GRIA3: variants seen among roughly 807,000 people sequenced by gnomAD.
GRIA3 encodes the protein glutamate ionotropic receptor AMPA type subunit 3, also known as glutamate receptor 3.
In GRIA3, 3 loss-of-function variants were observed where a neutral mutation model predicts 63.0. The ratio of observed to expected loss-of-function variants is 0.05; its 90% CI spans 0.02 to 0.12. The LOEUF (loss-of-function observed/expected upper bound fraction) is 0.12. Among genes scored for constraint, GRIA3 ranks in the 10% least tolerant of loss-of-function variants. The pLI, the probability that GRIA3 is intolerant of heterozygous loss-of-function variation, is 1.00. For synonymous variants in GRIA3, 274 were observed against 257.9 expected (o/e 1.06, Z -0.60); for missense variants, 347 against 700.9 (o/e 0.50, Z 5.70).
intron 4 of GRIA3, among the ~76,000 whole-genome samples, chrX:123,329,848 T>C (rs1213079145): frequency 8.9e-6 from 1 of 111,918 alleles, no homozygotes; most frequent in East Asian, 2.8e-4. Context: ...CAATGACCAA[T>C]CTAAACATTA....
intron 5 of GRIA3, among the ~76,000 whole-genome samples, chrX:123,394,288 G>C (rs2045401529): frequency 9.0e-6 from 1 of 111,036 alleles, no homozygotes; most frequent in African/African-American, 3.3e-5. Flanking sequence ...CTTGAACCCG[G>C]GGGGTGGTGT....
At chrX:123,266,043 C>T (rs1363788241) in intron 3 of GRIA3, among the ~76,000 whole-genome samples, 1 of 112,132 alleles carries the variant, frequency 8.9e-6, no homozygotes, top group East Asian at 2.8e-4. Context: ...CATCACTCTT[C>T]GAGGTCTTAA....
At chrX:123,360,855 TCACACACACACACACACA>T (rs10548566) in intron 5 of GRIA3, among the ~76,000 whole-genome samples, 16 of 46,516 alleles carry the variant, frequency 3.4e-4, no homozygotes, top group African/African-American at 8.1e-4. Context: ...TCTCTCTCTC[TCACACACACACACACACA>T]CACACACACA....
chrX:123,459,759 A>G (rs1001698696), intron 12 of GRIA3, among the ~76,000 whole-genome samples: 6 of 110,599 alleles, frequency 5.4e-5, no homozygotes, highest in African/African-American at 1.6e-4. Flanking sequence ...CCCAGATGAC[A>G]GAGCTAAGAT....
chrX:123,336,767 T>C (rs1397568268), intron 4 of GRIA3, among the ~76,000 whole-genome samples: 1 of 111,790 alleles, frequency 8.9e-6, no homozygotes, highest in Non-Finnish European at 1.9e-5. Context: ...TATTTCAAGA[T>C]CATTGTGTGA....
intron 2 of GRIA3, among the ~76,000 whole-genome samples, chrX:123,248,741 G>C (rs960540489): frequency 9.0e-6 from 1 of 111,475 alleles, no homozygotes; most frequent in South Asian, 3.8e-4. Flanking sequence ...AGCCGAGATC[G>C]GGCCATTGCA....
intron 3 of GRIA3, among the ~76,000 whole-genome samples, chrX:123,276,584 A>G (rs1158820840): frequency 8.9e-6 from 1 of 112,054 alleles, no homozygotes; most frequent in Non-Finnish European, 1.9e-5. Context: ...AGGCGGTGTT[A>G]CTGTTTTTAT....
At chrX:123,251,305 G>A (rs1569407576) in intron 2 of GRIA3, among the ~76,000 whole-genome samples, 1 of 112,103 alleles carries the variant, frequency 8.9e-6, no homozygotes, top group East Asian at 2.8e-4. Context: ...ATTTGAGAAT[G>A]GGACTTTTCT....
rs183714349 is a variant in GRIA3 at position 123,326,621 on chromosome X, A to G, written c.696+408A>G. 1.2e-3 allele frequency among the ~76,000 whole-genome samples: 132 copies of G among 111,422 alleles called. 1 individual carries two copies. The highest frequency in any genetic ancestry group is 4.7e-3 in the Middle Eastern group (1 of 215). ...AAAGGGTTTTTGTTTCAGGAGCCTC[A>G]TTGCTGGAATATGTACTATTTCCAG... is the stretch of plus-strand genomic sequence containing the variant. On this transcript the variant is annotated intron_variant, in intron 4 of 15. Transcript: ENST00000620443.
At chrX:123,286,201 A>G (rs914291625) in intron 3 of GRIA3, among the ~76,000 whole-genome samples, 3 of 112,078 alleles carry the variant, frequency 2.7e-5, no homozygotes, top group Non-Finnish European at 3.8e-5. Context: ...GCAGAAATAA[A>G]TAAGTTCTTT....
At chrX:123,346,562 G>T (rs748074086) in intron 4 of GRIA3, among the ~76,000 whole-genome samples, 1 of 112,452 alleles carries the variant, frequency 8.9e-6, no homozygotes, top group African/African-American at 3.2e-5. Context: ...TGTTTGTCAG[G>T]TTCCCACTTA....
At chrX:123,361,102 T>A (rs1280261166) in intron 5 of GRIA3, 1 of 110,651 alleles carries the variant, frequency 9.0e-6, no homozygotes, top group African/African-American at 3.3e-5. Context: ...GGAAGTGAAC[T>A]CTGCAGCTCA....
chrX:123,374,451 T>A (rs1270892877), intron 5 of GRIA3, among the ~76,000 whole-genome samples: 1 of 111,932 alleles, frequency 8.9e-6, no homozygotes, highest in Non-Finnish European at 1.9e-5. Flanking sequence ...TTGGGCAATA[T>A]GGCCATTTTC....
chrX:123,351,875 C>CA (rs1412876213), intron 4 of GRIA3, among the ~76,000 whole-genome samples: 4 of 111,780 alleles, frequency 3.6e-5, no homozygotes. Context: ...CTTCCTATCC[C>CA]AGTTTAAAGC....
chrX:123,462,389 G>A lies in GRIA3; in HGVS notation c.2077-2476G>A, dbSNP rs193153074. Among the ~76,000 whole-genome samples the A allele has an allele frequency of 4.0e-3, 445 of 111,537 alleles. 2 individuals carry two copies. Among genetic ancestry groups the A allele is most frequent in the South Asian group, 0.019 (51 of 2,617 alleles). ...TTATCCACCTAAGCTCATTTCCTAC[G>A]ACTCTCCCTTTTTCTCATTTAATTT... On this transcript the variant is annotated intron_variant, in intron 12 of 15. Coordinates refer to ENST00000620443, the MANE Select transcript of GRIA3 (RefSeq NM_007325.5).
intron 2 of GRIA3, among the ~76,000 whole-genome samples, chrX:123,208,607 C>T (rs2147259020): frequency 8.9e-6 from 1 of 111,987 alleles, no homozygotes; most frequent in East Asian, 2.8e-4. Flanking sequence ...CAGTTGATAT[C>T]ACTAGATAAT....
intron 4 of GRIA3, among the ~76,000 whole-genome samples, chrX:123,329,199 C>G (rs1004680038): frequency 8.9e-6 from 1 of 111,919 alleles, no homozygotes; most frequent in African/African-American, 3.2e-5. Flanking sequence ...TTTCATACCA[C>G]TATCTGAGGT....
intron 2 of GRIA3, among the ~76,000 whole-genome samples, chrX:123,244,309 G>A (rs2044346164): frequency 9.0e-6 from 1 of 111,495 alleles, no homozygotes; most frequent in Non-Finnish European, 1.9e-5. Context: ...GCACTGGGGA[G>A]GGATCATGAT....
intron 2 of GRIA3, among the ~76,000 whole-genome samples, chrX:123,217,818 C>G (rs1928196550): frequency 8.9e-6 from 1 of 112,368 alleles, no homozygotes; most frequent in Non-Finnish European, 1.9e-5. Context: ...TTACCTCTCT[C>G]TCTCCTTGTT....
Sources: gnomAD v4.1 joint callset for allele counts (sites outside exome capture counted in the v4.1 genomes callset) on GRCh38, gnomAD v4.1.1 for gene constraint, MANE v1.5 for transcripts, NCBI Gene and HGNC (gene_info 2026-07-23, HGNC 2026-07-21) for gene names.